Variants in PPP3CB observed in about 807,000 individuals in gnomAD.
PPP3CB encodes protein phosphatase 3 catalytic subunit beta.
In PPP3CB, 8 loss-of-function variants were observed where a neutral mutation model predicts 66.4. That is an observed-to-expected ratio of 0.12 (90% CI 0.07 to 0.22). The LOEUF (loss-of-function observed/expected upper bound fraction) is 0.22. Ranked by LOEUF, PPP3CB falls within the 10% of genes least tolerant of loss-of-function variation. The pLI is 1.00. For missense variants in PPP3CB, 319 were observed against 642.5 expected, an observed-to-expected ratio of 0.50 and a Z score of 5.44; for synonymous variants, 208 against 221.2, an observed-to-expected ratio of 0.94 and a Z score of 0.53.
At chr10:73,491,961 C>A (rs1257160091) in intron 1 of PPP3CB, among the ~76,000 whole-genome samples, 1 of 150,882 alleles carries the variant, frequency 6.6e-6, no homozygotes, top group Non-Finnish European at 1.5e-5. Flanking sequence ...GAGCGAAACT[C>A]CATCTCAAAA....
chr10:73,465,399 C>T (rs79475057), intron 9 of PPP3CB, among the ~76,000 whole-genome samples: 7,088 of 151,996 alleles, frequency 0.047, 508 homozygotes, highest in African/African-American at 0.15. Flanking sequence ...TTTAGTGAAA[C>T]AGAAAAGGGG....
intron 10 of PPP3CB, 53 bp from the exon 11 acceptor site, chr10:73,446,626 C>T: frequency 6.6e-7 from 1 of 1,504,534 alleles, no homozygotes; most frequent in Non-Finnish European, 9.2e-7. Flanking sequence ...GGCATGCATG[C>T]TTACAATATT....
rs2056094522 is a variant in PPP3CB at position 73,438,128 on chromosome 10, T to C, written c.*114A>G. The C allele has an allele frequency of 1.9e-6, 2 of 1,053,386 alleles. No homozygotes were observed. Among genetic ancestry groups the C allele is most frequent in the South Asian group, 1.7e-5 (1 of 58,700 alleles). 65.3% of individuals were successfully genotyped at this position (1,053,386 alleles called of 1,614,324 possible). Reference sequence around the variant, plus strand: ...GGGGGCTAGGGTCTCAGAAGCACAATGGTTTCTTCAGAGAGACTGTGAAAT... The same window carrying C: ...GGGGGCTAGGGTCTCAGAAGCACAACGGTTTCTTCAGAGAGACTGTGAAAT... On this transcript the variant is annotated 3_prime_UTR_variant, in exon 14 of 14. Transcript: ENST00000360663.
At chr10:73,438,808 TGA>T (rs1238995697) in intron 13 of PPP3CB, among the ~76,000 whole-genome samples, 1 of 152,054 alleles carries the variant, frequency 6.6e-6, no homozygotes, top group East Asian at 1.9e-4. Context: ...AAGGCAGCAA[TGA>T]GAGTAGGGGC....
At chr10:73,444,591 C>A (rs1259730965) in intron 12 of PPP3CB, 134 bp downstream of exon 12, 1 of 1,552,618 alleles carries the variant, frequency 6.4e-7, no homozygotes, top group Admixed American at 2.0e-5. Context: ...ATACAGTACC[C>A]TGTCTAGGTC....
intron 10 of PPP3CB, among the ~76,000 whole-genome samples, chr10:73,450,611 C>G (rs2056328849): frequency 6.6e-6 from 1 of 152,180 alleles, no homozygotes; most frequent in Non-Finnish European, 1.5e-5. Flanking sequence ...AGTAATTGTA[C>G]CTGCCCTGTT....
chr10:73,489,251 A>G (rs2057034170), intron 1 of PPP3CB, among the ~76,000 whole-genome samples: 1 of 152,120 alleles, frequency 6.6e-6, no homozygotes, highest in Admixed American at 6.6e-5. Context: ...CTAGTTTTTC[A>G]TGCCTTGGTC....
At chr10:73,471,343 A>G in intron 5 of PPP3CB, 125 bp downstream of exon 5, 4 of 1,349,038 alleles carry the variant, frequency 3.0e-6, no homozygotes, top group Non-Finnish European at 4.0e-6. Flanking sequence ...TATTTCCTTA[A>G]GATATCAGTA....
intron 10 of PPP3CB, among the ~76,000 whole-genome samples, chr10:73,451,742 C>CT (rs765483729): frequency 0.022 from 2,759 of 124,576 alleles, 74 homozygotes; most frequent in African/African-American, 0.041. Context: ...TCACTCATCT[C>CT]TTTTTTTTTT....
At position 73,444,713 on chromosome 10, in the gene PPP3CB, T is replaced by A. The variant is rs1417473513; in HGVS notation, c.1366+12A>T. Reference sequence around the variant, plus strand: ...TCCATCTGAGGCACAGCAAGTTGCATAACATCATTACCACTTTGCAGGGTC... The same window carrying A: ...TCCATCTGAGGCACAGCAAGTTGCAAAACATCATTACCACTTTGCAGGGTC... On this transcript the variant is annotated intron_variant, in intron 12 of 13. Transcript: ENST00000360663. The A allele has an allele frequency of 6.2e-7, 1 of 1,614,156 alleles. No homozygotes were observed. The highest frequency in any genetic ancestry group is 1.7e-5 in the Admixed American group (1 of 60,018).
Position 73,471,096 on chromosome 10 carries a change from T to C in PPP3CB, c.783A>G (p.Thr261=). The part of the protein sequence containing the change: ...EKSQEHFSHN[T]VRGCSYFYNY... ...TATAAAAATAAGAACATCCTCGAAC[T>C]GTATTGTGACTAAAATGTTCCTGTG... is the stretch of plus-strand genomic sequence containing the variant. Residue 261 remains threonine, a synonymous_variant, in exon 6 of 14, where the codon ACA becomes ACG. Transcript: ENST00000360663. 6.2e-7 allele frequency: 1 copy of C among 1,610,820 alleles called. No homozygotes were observed. The highest frequency in any genetic ancestry group is 8.5e-7 in the Non-Finnish European group (1 of 1,177,380).
chr10:73,449,138 C>T (rs917711035), intron 10 of PPP3CB, among the ~76,000 whole-genome samples: 4 of 152,146 alleles, frequency 2.6e-5, no homozygotes, highest in African/African-American at 9.7e-5. Context: ...TTGTGTGGTT[C>T]TTCAAGGACA....
At chr10:73,453,272 C>CT (rs1239576732) in intron 10 of PPP3CB, among the ~76,000 whole-genome samples, 4 of 152,110 alleles carry the variant, frequency 2.6e-5, no homozygotes, top group Non-Finnish European at 5.9e-5. Flanking sequence ...TTCTGTAACT[C>CT]TATAATTCTC....
At chr10:73,454,605 T>TTCTTATACC (rs2056394661) in intron 9 of PPP3CB, 116 bp from the exon 10 acceptor site, 1 of 568,722 alleles carries the variant, frequency 1.8e-6, no homozygotes. Flanking sequence ...AGCAAACACA[T>TTCTTATACC]TCTTATACCA....
chr10:73,484,663 G>C (rs1351275488), intron 1 of PPP3CB, among the ~76,000 whole-genome samples: 3 of 149,782 alleles, frequency 2.0e-5, no homozygotes, highest in Non-Finnish European at 4.4e-5. Context: ...TTCTATATTT[G>C]CGACAGGGAA....
intron 10 of PPP3CB, chr10:73,448,748 C>T (rs2056299967): frequency 1.9e-6 from 1 of 532,014 alleles, no homozygotes; most frequent in South Asian, 1.4e-5. Context: ...GTGGTTGGGA[C>T]AAATAAAAAG....
At chr10:73,443,255 A>G (rs2056182495) in intron 12 of PPP3CB, among the ~76,000 whole-genome samples, 1 of 137,478 alleles carries the variant, frequency 7.3e-6, no homozygotes, top group South Asian at 2.3e-4. Context: ...AGAGAAAGAG[A>G]GAGAGAGAGA....
At chr10:73,466,180 G>C (rs1355621522) in intron 9 of PPP3CB, among the ~76,000 whole-genome samples, 2 of 152,112 alleles carry the variant, frequency 1.3e-5, no homozygotes, top group Non-Finnish European at 2.9e-5. Context: ...ATCCACTTAT[G>C]AGCTCTAAAA....
chr10:73,454,306 T>G, intron 10 of PPP3CB, 106 bp downstream of exon 10: 1 of 581,520 alleles, frequency 1.7e-6, no homozygotes, highest in South Asian at 3.5e-5. Flanking sequence ...TAGCATAGTC[T>G]CTGAAAGCAA....
Sources: allele counts gnomAD v4.1 joint callset (sites outside exome capture counted in the v4.1 genomes callset), GRCh38; gene constraint gnomAD v4.1.1; transcripts MANE v1.5; gene names NCBI Gene and HGNC (gene_info 2026-07-23, HGNC 2026-07-21).